The following RYR1 variants were observed in gnomAD, a reference collection of about 807,000 sequenced individuals.
RYR1 encodes central core disease of muscle.
RYR1 carries 342 observed loss-of-function variants against 583.5 expected under a neutral mutation model. The ratio of observed to expected loss-of-function variants is 0.59; its 90% CI spans 0.54 to 0.64. The LOEUF (loss-of-function observed/expected upper bound fraction) is 0.64. RYR1 is among the 30% of genes least tolerant of loss of function. The pLI, the probability that RYR1 is intolerant of heterozygous loss-of-function variation, is 0.00. For synonymous variants in RYR1, 2,791 were observed against 2,822.5 expected (o/e 0.99, Z 0.35); for missense variants, 6,032 against 6,917.2 (o/e 0.87, Z 4.54).
chr19:38,516,002 G>C (rs766627735), intron 64 of RYR1, 85 bp from the exon 65 acceptor site: 1 of 1,478,238 alleles, frequency 6.8e-7, no homozygotes, highest in Admixed American at 2.1e-5. Context: ...GGTTCTGGGA[G>C]GAGCCGTTTC....
At position 38,566,824 on chromosome 19, in the gene RYR1, A is replaced by C. The variant is rs1030599261; in HGVS notation, c.13438-87A>C. On this transcript the variant is annotated intron_variant, in intron 91 of 105. Transcript: ENST00000359596. ...AAACTTAGATTACCCAGGGGAAATAAGAGAGAAAGGAGATGAGAGGAGCAG... is the reference window on the plus strand; with the variant it reads ...AAACTTAGATTACCCAGGGGAAATACGAGAGAAAGGAGATGAGAGGAGCAG... 7 of 1,551,462 alleles carry C rather than the reference A, an allele frequency of 4.5e-6. No homozygotes were observed. In the African/African-American group the frequency reaches 6.8e-5, roughly 15 times the overall value.
At chr19:38,573,147 GC>G in intron 95 of RYR1, 29 bp from the exon 96 acceptor site, 1 of 1,612,702 alleles carries the variant, frequency 6.2e-7, no homozygotes, top group Non-Finnish European at 8.5e-7. Context: ...GGTGCCTGAC[GC>G]CCACCTTTGG....
chr19:38,467,267 C>T (rs1206828703), intron 24 of RYR1, among the ~76,000 whole-genome samples: 1 of 152,202 alleles, frequency 6.6e-6, no homozygotes, highest in Non-Finnish European at 1.5e-5. Context: ...CAATCCTGGT[C>T]TCAGCCCTTC....
chr19:38,435,693 G>T (rs963719058), intron 1 of RYR1, among the ~76,000 whole-genome samples: 4 of 151,990 alleles, frequency 2.6e-5, no homozygotes, highest in Admixed American at 6.6e-5. Flanking sequence ...CCGAGATTGC[G>T]CCACTGCACA....
chr19:38,472,835 TAAAAAAAA>T (rs34985897), intron 27 of RYR1, among the ~76,000 whole-genome samples: 3 of 107,296 alleles, frequency 2.8e-5, no homozygotes, highest in African/African-American at 9.9e-5. Context: ...GACTCTTGTC[TAAAAAAAA>T]AAAAAAAAAA....
At position 38,463,556 on chromosome 19, in the gene RYR1, G is replaced by A; in HGVS notation, c.2682+29G>A. 5 of 1,603,868 alleles carry A rather than the reference G, an allele frequency of 3.1e-6. No individual in the cohort carries two copies. The South Asian group carries it at 3.3e-5, about 11-fold the overall frequency. On this transcript the variant is annotated intron_variant, in intron 21 of 105. Transcript: ENST00000359596. ...AGGGGCTGCCTGCAGCCTGCGGGAG[G>A]CCGGCTAGACTTGCGGTGCCAGGAG...
At chr19:38,478,635 C>A (rs1403803962) in intron 31 of RYR1, 35 bp downstream of exon 31, 1 of 1,601,948 alleles carries the variant, frequency 6.2e-7, no homozygotes, top group Non-Finnish European at 8.5e-7. Flanking sequence ...GCGAGAGCAT[C>A]ATGTCCCAGC....
chr19:38,586,610 G>T (rs1424852595), intron 105 of RYR1, 34 bp downstream of exon 105: 1 of 1,598,732 alleles, frequency 6.3e-7, no homozygotes, highest in African/African-American at 1.3e-5. Context: ...CAGTGGGCAG[G>T]ACGTGGAGCC....
Position 38,446,430 on chromosome 19 carries a change from G to A in RYR1, c.632-42G>A, listed in dbSNP as rs754139093. On this transcript the variant is annotated intron_variant, in intron 7 of 105. Transcript: ENST00000359596. Reference sequence around the variant, plus strand: ...CATCTTGGCTCCTGGTCTTCCTGGGGCTCCAGCCTCCCATTGACCAACTTC... The same window carrying A: ...CATCTTGGCTCCTGGTCTTCCTGGGACTCCAGCCTCCCATTGACCAACTTC... 2.7e-6 allele frequency: 4 copies of A among 1,462,922 alleles called. No individual in the cohort carries two copies. In the Admixed American group the frequency reaches 5.0e-5, roughly 18 times the overall value. The allele number at this position is 1,462,922 out of a possible 1,614,324, so 90.6% of individuals were successfully genotyped here.
chr19:38,507,789 G>A lies in RYR1; in HGVS notation c.8894G>A (p.Arg2965His), dbSNP rs2145643659. ...TTTGGCTTCCTGCAGCAGCTGCTGC[G>A]CTGGATGGACATTTCTCAGGAGTTC... ...FAFGFLQQLL[R>H]WMDISQEFIA... is the part of the protein sequence containing the mutation. The change falls in exon 58 of 106, where the codon CGC (arginine) becomes CAC (histidine). Residue 2965 changes from arginine (R) to histidine (H), a missense_variant. Transcript: ENST00000359596. The A allele has an allele frequency of 6.2e-7, 1 of 1,613,192 alleles. No individual in the cohort carries two copies. Among genetic ancestry groups the A allele is most frequent in the Non-Finnish European group, 8.5e-7 (1 of 1,179,220 alleles).
At chr19:38,567,383 G>C (rs1201692658) in intron 92 of RYR1, among the ~76,000 whole-genome samples, 2 of 152,042 alleles carry the variant, frequency 1.3e-5, no homozygotes, top group Non-Finnish European at 2.9e-5. Context: ...CTAACTGCCA[G>C]GCCTTCGCAT....
Position 38,516,191 on chromosome 19 carries a change from C to T in RYR1, c.9659C>T (p.Thr3220Ile). 1 of 1,577,982 alleles carries T rather than the reference C, an allele frequency of 6.3e-7. No individual in the cohort carries two copies. The highest frequency in any genetic ancestry group is 8.6e-7 in the Non-Finnish European group (1 of 1,161,682). The change falls in exon 65 of 106, where the codon ACC (threonine) becomes ATC (isoleucine). Residue 3220 changes from threonine to isoleucine, a missense_variant. Physicochemically the swap from Thr to Ile is moderately conservative, Grantham distance 89. This residue lies in a region of RYR1 where 1,493 missense variants were observed against 1,715.5 expected (regional missense o/e 0.87). Transcript: ENST00000359596. ...LNEYNACSVY[T>I]TKSPRERAIL... Reference sequence around the variant, plus strand: ...GAGTACAACGCCTGCTCCGTGTACACCACCAAGTCTCCGCGGGAGCGGGCC... The same window carrying T: ...GAGTACAACGCCTGCTCCGTGTACATCACCAAGTCTCCGCGGGAGCGGGCC...
intron 66 of RYR1, among the ~76,000 whole-genome samples, 172 bp from the exon 67 acceptor site, chr19:38,519,042 A>T (rs377376229): frequency 5.9e-5 from 9 of 151,870 alleles, no homozygotes; most frequent in African/African-American, 2.2e-4. Context: ...GGTTCAGGTT[A>T]GGGGCTATGG....
chr19:38,437,942 G>A (rs1354093595), intron 1 of RYR1, among the ~76,000 whole-genome samples: 4 of 150,210 alleles, frequency 2.7e-5, no homozygotes, highest in East Asian at 1.9e-4. Flanking sequence ...AGCTATGATC[G>A]TACCACTGCA....
intron 24 of RYR1, 31 bp from the exon 25 acceptor site, chr19:38,467,579 C>A (rs1472460012): frequency 1.9e-6 from 3 of 1,611,576 alleles, no homozygotes; most frequent in Admixed American, 1.7e-5. Context: ...TCTTCCCTAG[C>A]CTCTCTGACT....
At position 38,486,139 on chromosome 19, in the gene RYR1, C is replaced by G; in HGVS notation, c.5484C>G (p.Asp1828Glu). ...AVRDGGQHARDPVGGSVEFQF... is the reference protein window; with the variant it reads ...AVRDGGQHAREPVGGSVEFQF... ...GCGACGGTGGGCAGCACGCTCGCGA[C>G]CCCGTCGGGGGCTCCGTGGAGTTCC... Residue 1828 changes from aspartate to glutamate, a missense_variant, in exon 34 of 106, where the codon GAC (aspartate) becomes GAG (glutamate). Physicochemically the swap from Asp to Glu is conservative, Grantham distance 45. Around this residue, in one of 11 missense-constraint regions of RYR1, gnomAD observed 2,627 missense variants for 2,961.3 expected, o/e 0.89. Coordinates refer to ENST00000359596, the MANE Select transcript of RYR1 (RefSeq NM_000540.3). The G allele has an allele frequency of 6.2e-7, 1 of 1,613,168 alleles. No homozygotes were observed. Among genetic ancestry groups the G allele is most frequent in the Non-Finnish European group, 8.5e-7 (1 of 1,179,892 alleles).
At position 38,529,412 on chromosome 19, in the gene RYR1, G is replaced by A. The variant is rs569110931; in HGVS notation, c.11141+355G>A. ...GAAGAATCGCTTGAACCTGGGAGGC[G>A]GAGGTTGCAGTGAGCCGAGATCATA... On this transcript the variant is annotated intron_variant, in intron 76 of 105. Coordinates refer to ENST00000359596, the MANE Select transcript of RYR1 (RefSeq NM_000540.3). 1.4e-4 allele frequency among the ~76,000 whole-genome samples: 21 copies of A among 152,164 alleles called. No homozygotes were observed. In the South Asian group the frequency reaches 4.2e-3, roughly 30 times the overall value.
intron 2 of RYR1, among the ~76,000 whole-genome samples, chr19:38,441,457 T>A (rs983774018): frequency 2.7e-5 from 1 of 36,722 alleles, no homozygotes; most frequent in Non-Finnish European, 5.7e-5. Context: ...CTGATGGGGG[T>A]GGGGGCTTGA....
chr19:38,532,768 G>C, intron 78 of RYR1, 32 bp downstream of exon 78: 1 of 1,606,822 alleles, frequency 6.2e-7, no homozygotes, highest in East Asian at 2.2e-5. Flanking sequence ...TGGAGGGAAG[G>C]GATGGGGGAC....
Sources: gnomAD v4.1 joint callset for allele counts (sites outside exome capture counted in the v4.1 genomes callset) on GRCh38, gnomAD v4.1.1 for gene constraint, gnomAD v4.1.1 regional missense constraint, MANE v1.5 for transcripts, NCBI Gene and HGNC (gene_info 2026-07-23, HGNC 2026-07-21) for gene names.